ATE1: variants seen among roughly 807,000 people sequenced by gnomAD.
ATE1 encodes arginyl-tRNA--protein transferase 1.
Under a neutral mutation model 70.5 loss-of-function variants are expected in ATE1, and 36 were observed. The observed-to-expected ratio is 0.51, with a 90% CI of 0.39 to 0.67. The LOEUF is 0.67. Ranked by LOEUF, ATE1 falls within the 30% of genes least tolerant of loss-of-function variation. The pLI is 0.00. For synonymous variants in ATE1, 232 were observed against 219.3 expected, an observed-to-expected ratio of 1.06 and a Z score of -0.51; for missense variants, 593 against 629.5, an observed-to-expected ratio of 0.94 and a Z score of 0.62.
At chr10:121,895,012 A>G (rs905518188) in intron 7 of ATE1, among the ~76,000 whole-genome samples, 3 of 152,220 alleles carry the variant, frequency 2.0e-5, no homozygotes, top group Admixed American at 6.5e-5. Context: ...AATCAAAACC[A>G]TAATGAGACA....
intron 11 of ATE1, among the ~76,000 whole-genome samples, chr10:121,749,165 T>C (rs1380314345): frequency 6.6e-6 from 1 of 152,180 alleles, no homozygotes; most frequent in African/African-American, 2.4e-5. Context: ...ACTGCTTCCC[T>C]GGGTTAATGT....
chr10:121,822,059 A>C (rs1370522880), intron 10 of ATE1, among the ~76,000 whole-genome samples: 2 of 152,176 alleles, frequency 1.3e-5, no homozygotes, highest in African/African-American at 4.8e-5. Flanking sequence ...TCTATTCATC[A>C]GGAATGCATA....
intron 7 of ATE1, among the ~76,000 whole-genome samples, chr10:121,883,263 C>T (rs1251394200): frequency 1.3e-5 from 2 of 152,108 alleles, no homozygotes; most frequent in African/African-American, 2.4e-5. Flanking sequence ...ACCATTCTCC[C>T]CCAACCACAC....
intron 9 of ATE1, among the ~76,000 whole-genome samples, chr10:121,837,543 A>G (rs992431761): frequency 6.6e-6 from 1 of 152,166 alleles, no homozygotes; most frequent in Non-Finnish European, 1.5e-5. Flanking sequence ...GTATATTTCT[A>G]AAGTATGAGG....
At chr10:121,804,583 T>C (rs911583975) in intron 10 of ATE1, among the ~76,000 whole-genome samples, 1 of 152,206 alleles carries the variant, frequency 6.6e-6, no homozygotes, top group Admixed American at 6.5e-5. Context: ...ATTATACTTT[T>C]GGGCGTAAAT....
At chr10:121,784,552 C>T (rs58792008) in intron 11 of ATE1, among the ~76,000 whole-genome samples, 1 of 151,910 alleles carries the variant, frequency 6.6e-6, no homozygotes, top group Non-Finnish European at 1.5e-5. Flanking sequence ...GAATAAGTGG[C>T]TAAAAAAAAA....
At chr10:121,854,522 T>C (rs1203624978) in intron 8 of ATE1, among the ~76,000 whole-genome samples, 1 of 152,138 alleles carries the variant, frequency 6.6e-6, no homozygotes, top group Non-Finnish European at 1.5e-5. Flanking sequence ...TAACACAACT[T>C]TTCTTGGCTC....
chr10:121,757,275 C>T (rs1944846978), intron 11 of ATE1, among the ~76,000 whole-genome samples: 1 of 152,186 alleles, frequency 6.6e-6, no homozygotes, highest in Non-Finnish European at 1.5e-5. Flanking sequence ...GTCCATATGG[C>T]TTTCGGGCCT....
intron 11 of ATE1, among the ~76,000 whole-genome samples, chr10:121,766,033 C>G (rs898990990): frequency 8.6e-5 from 13 of 151,458 alleles, no homozygotes; most frequent in African/African-American, 2.7e-4. Context: ...GACAGCTTTA[C>G]TCTTGTAAAA....
chr10:121,862,155 G>A (rs1234615500), intron 8 of ATE1, among the ~76,000 whole-genome samples: 2 of 152,014 alleles, frequency 1.3e-5, no homozygotes, highest in Non-Finnish European at 2.9e-5. Flanking sequence ...TTTGATTTTC[G>A]GTGTTCTCTT....
chr10:121,829,727 A>AG (rs1948164561), intron 10 of ATE1, among the ~76,000 whole-genome samples: 1 of 152,068 alleles, frequency 6.6e-6, no homozygotes. Flanking sequence ...AGAAAAAAAA[A>AG]AGAAAGAAAA....
At position 121,896,823 on chromosome 10, in the gene ATE1, C is replaced by CAAAAA. The variant is rs869156572; in HGVS notation, c.942+3038_942+3042dup. ...TGGGAGACAGAGCAAGACTTTGTCTCAAAAAAAAAAAAAAAAAAAAAAAAA... is the reference window on the plus strand; with the variant it reads ...TGGGAGACAGAGCAAGACTTTGTCTCAAAAAAAAAAAAAAAAAAAAAAAAAAAAAA... On this transcript the variant is annotated intron_variant, in intron 7 of 11. Transcript: ENST00000224652. 8.1e-4 allele frequency among the ~76,000 whole-genome samples: 23 copies of CAAAAA among 28,348 alleles called. 3 individuals carry two copies. Among genetic ancestry groups the CAAAAA allele is most frequent in the African/African-American group, 3.7e-3 (21 of 5,714 alleles). The allele number at this position is 28,348 out of a possible 152,430, so 18.6% of individuals were successfully genotyped here.
intron 5 of ATE1, among the ~76,000 whole-genome samples, chr10:121,905,160 T>C (rs988249270): frequency 1.4e-4 from 21 of 152,304 alleles, no homozygotes; most frequent in African/African-American, 4.6e-4. Flanking sequence ...AAACCAGTCC[T>C]ACCTATAGAG....
At chr10:121,913,134 C>A (rs1373487844) in intron 4 of ATE1, among the ~76,000 whole-genome samples, 2 of 152,148 alleles carry the variant, frequency 1.3e-5, no homozygotes, top group East Asian at 3.9e-4. Flanking sequence ...CTGCCTCGGC[C>A]TCCCAAGGTG....
At chr10:121,908,577 T>G (rs1470488926) in intron 5 of ATE1, among the ~76,000 whole-genome samples, 12 of 152,196 alleles carry the variant, frequency 7.9e-5, no homozygotes, top group Admixed American at 7.9e-4. Context: ...GCTGTCTTTA[T>G]AGAAGCAGTC....
At position 121,743,007 on chromosome 10, in the gene ATE1, AGAGTAAAAGG is replaced by A. The variant is rs1199263229; in HGVS notation, c.*663_*672del. 1 of 152,236 alleles carries A rather than the reference AGAGTAAAAGG, an allele frequency of 6.6e-6. No homozygotes were observed. The highest frequency in any genetic ancestry group is 2.4e-5 in the African/African-American group (1 of 41,458). 9.4% of individuals were successfully genotyped at this position (152,236 alleles called of 1,614,324 possible). A position where few individuals can be genotyped will look rare whatever the true frequency, so the allele number is the denominator to read the frequency against. ...TATTGTCCAAACTGGGATATTTTTT[AGAGTAAAAGG>A]GAGTACTATATTCTAGGGGAAAAAA... On this transcript the variant is annotated 3_prime_UTR_variant, in exon 12 of 12. Coordinates refer to ENST00000224652, the MANE Select transcript of ATE1 (RefSeq NM_001001976.3).
intron 8 of ATE1, among the ~76,000 whole-genome samples, chr10:121,859,637 A>G (rs1487581658): frequency 6.6e-6 from 1 of 152,154 alleles, no homozygotes; most frequent in Non-Finnish European, 1.5e-5. Flanking sequence ...TCAGCAGAGT[A>G]ATGGTGTAAG....
intron 10 of ATE1, among the ~76,000 whole-genome samples, chr10:121,826,930 CA>C (rs1948043171): frequency 6.6e-6 from 1 of 152,134 alleles, no homozygotes; most frequent in South Asian, 2.1e-4. Context: ...CTTGTTGCTG[CA>C]AAGTACATAA....
chr10:121,857,671 T>G (rs1043551127), intron 8 of ATE1, among the ~76,000 whole-genome samples: 1 of 152,226 alleles, frequency 6.6e-6, no homozygotes, highest in Non-Finnish European at 1.5e-5. Flanking sequence ...ATAGCTCTAT[T>G]CACAACGGCA....
Sources: gnomAD v4.1 joint callset for allele counts (sites outside exome capture counted in the v4.1 genomes callset) on GRCh38, gnomAD v4.1.1 for gene constraint, MANE v1.5 for transcripts, NCBI Gene and HGNC (gene_info 2026-07-23, HGNC 2026-07-21) for gene names.